PTGER3: variants seen among roughly 807,000 people sequenced by gnomAD.
PTGER3 encodes the protein prostaglandin E2 receptor EP3 subtype.
PTGER3 carries 22 observed loss-of-function variants against 34.7 expected under a neutral mutation model. The ratio of observed to expected loss-of-function variants is 0.63; its 90% CI spans 0.45 to 0.91. The LOEUF is 0.91. Ranked by LOEUF, PTGER3 falls within the 40% of genes least tolerant of loss-of-function variation. The probability of loss-of-function intolerance (pLI) is 0.00; values close to 1 mark genes in which losing one functional copy is unlikely to be tolerated. For missense variants in PTGER3, 468 were observed against 519.4 expected, an observed-to-expected ratio of 0.90 and a Z score of 0.96; for synonymous variants, 241 against 230.1, an observed-to-expected ratio of 1.05 and a Z score of -0.43.
intron 2 of PTGER3, among the ~76,000 whole-genome samples, chr1:70,994,058 G>A (rs752505611): frequency 3.7e-4 from 57 of 152,180 alleles, no homozygotes; most frequent in Non-Finnish European, 7.3e-4. Flanking sequence ...GCCAAAGGCT[G>A]CTCTGCTCTT....
intron 1 of PTGER3, among the ~76,000 whole-genome samples, chr1:71,014,931 C>T (rs1333158027): frequency 6.6e-6 from 1 of 152,178 alleles, no homozygotes; most frequent in Non-Finnish European, 1.5e-5. Flanking sequence ...GTCCATCGAA[C>T]AGAAATTTAA....
At chr1:70,928,079 A>G (rs1326870120) in intron 4 of PTGER3, among the ~76,000 whole-genome samples, 1 of 150,282 alleles carries the variant, frequency 6.7e-6, no homozygotes, top group Non-Finnish European at 1.5e-5. Context: ...TTAAAAATAA[A>G]TTATGAAACA....
intron 1 of PTGER3, among the ~76,000 whole-genome samples, chr1:71,035,816 A>G (rs891529844): frequency 7.2e-5 from 11 of 152,144 alleles, no homozygotes; most frequent in South Asian, 4.1e-4. Context: ...AGTTCCTCCA[A>G]TGCTTCCAGT....
chr1:70,996,746 CTCCGCCTCCCAGGT>C (rs1359100470), intron 2 of PTGER3, among the ~76,000 whole-genome samples: 2 of 151,806 alleles, frequency 1.3e-5, no homozygotes, highest in Non-Finnish European at 2.9e-5. Context: ...TCACTGCAAG[CTCCGCCTCCCAGGT>C]TCACGCCATT....
chr1:71,021,457 G>C (rs994158049), intron 1 of PTGER3, among the ~76,000 whole-genome samples: 1 of 152,068 alleles, frequency 6.6e-6, no homozygotes, highest in African/African-American at 2.4e-5. Flanking sequence ...TCTATCAAAG[G>C]ATTCATTTCT....
At chr1:70,859,097 G>C (rs982274149) in intron 4 of PTGER3, among the ~76,000 whole-genome samples, 2 of 152,160 alleles carry the variant, frequency 1.3e-5, no homozygotes, top group Non-Finnish European at 2.9e-5. Flanking sequence ...AGAATGAGGA[G>C]TGGGCTGCCT....
chr1:70,913,741 T>C (rs1490470932), intron 4 of PTGER3, among the ~76,000 whole-genome samples: 3 of 151,972 alleles, frequency 2.0e-5, no homozygotes, highest in Admixed American at 1.3e-4. Flanking sequence ...AAAAATTATG[T>C]GGTTTTTCTT....
intron 4 of PTGER3, among the ~76,000 whole-genome samples, chr1:70,914,081 GTATA>G (rs1039950226): frequency 1.8e-4 from 28 of 151,500 alleles, no homozygotes; most frequent in African/African-American, 5.1e-4. Flanking sequence ...GCATATATAA[GTATA>G]TATAGTATAC....
At chr1:70,915,290 C>A (rs1647149868) in intron 4 of PTGER3, among the ~76,000 whole-genome samples, 2 of 151,760 alleles carry the variant, frequency 1.3e-5, no homozygotes, top group African/African-American at 4.8e-5. Context: ...TTATATATCT[C>A]TTTCATGGAA....
chr1:71,010,297 G>A, intron 2 of PTGER3: 1 of 984,396 alleles, frequency 1.0e-6, no homozygotes, highest in Non-Finnish European at 1.2e-6. Flanking sequence ...TCATATTTCT[G>A]TAATTAAATA....
At chr1:70,943,847 G>GGAGAGAGAGA (rs60989903) in intron 4 of PTGER3, among the ~76,000 whole-genome samples, 14 of 138,332 alleles carry the variant, frequency 1.0e-4, no homozygotes, top group African/African-American at 3.8e-4. Flanking sequence ...GGAGAGAGAG[G>GGAGAGAGAGA]GAGAGAGAGA....
intron 4 of PTGER3, among the ~76,000 whole-genome samples, chr1:70,905,954 C>A (rs189720131): frequency 2.6e-5 from 4 of 152,260 alleles, no homozygotes; most frequent in Admixed American, 6.5e-5. Flanking sequence ...TGGGAAGAAC[C>A]TGGTGGGAGG....
intron 4 of PTGER3, among the ~76,000 whole-genome samples, chr1:70,919,173 A>G (rs1342507533): frequency 2.0e-5 from 3 of 152,110 alleles, no homozygotes; most frequent in Non-Finnish European, 4.4e-5. Flanking sequence ...AAAAATGTAA[A>G]CCACCACCCA....
At chr1:70,858,201 C>CTTTT (rs35355255) in intron 4 of PTGER3, among the ~76,000 whole-genome samples, 1 of 134,144 alleles carries the variant, frequency 7.5e-6, no homozygotes, top group African/African-American at 2.7e-5. Context: ...AACACAGATT[C>CTTTT]TTTTTTTTTT....
chr1:71,024,645 CTTTT>C (rs35271200), intron 1 of PTGER3, among the ~76,000 whole-genome samples: 8 of 117,162 alleles, frequency 6.8e-5, no homozygotes, highest in Non-Finnish European at 1.0e-4. Flanking sequence ...CCTTTTCTTT[CTTTT>C]TTTTTTTTTT....
chr1:70,886,215 T>C lies in PTGER3; in HGVS notation c.*24-33356A>G, dbSNP rs1215029788. 1.0e-5 allele frequency: 4 copies of C among 396,458 alleles called. No individual in the cohort carries two copies. In the East Asian group the frequency reaches 3.3e-4, roughly 32 times the overall value. The allele number at this position is 396,458 out of a possible 1,614,324, so 24.6% of individuals were successfully genotyped here. ...GAGAGCTTGCTTCCCTTCTCTGTTT[T>C]CTCCACCATTTGAGGATACAATGAG... On this transcript the variant is annotated intron_variant, in intron 4 of 4. Coordinates refer to the PTGER3 transcript ENST00000370931.
intron 4 of PTGER3, among the ~76,000 whole-genome samples, chr1:70,894,875 G>T (rs895984257): frequency 2.0e-5 from 3 of 152,116 alleles, no homozygotes; most frequent in African/African-American, 7.2e-5. Flanking sequence ...GCAAAGTTGG[G>T]GGGTTAAACC....
At position 70,867,566 on chromosome 1, in the gene PTGER3, C is replaced by T. The variant is rs189252243; in HGVS notation, c.*24-14707G>A. On this transcript the variant is annotated intron_variant, in intron 4 of 4. Coordinates refer to the PTGER3 transcript ENST00000370931. ...TGAAGCCCCATCTCTACTAAAAATACAAAAACAAATTAGCCAGGTGTGGTG... is the reference window on the plus strand; with the variant it reads ...TGAAGCCCCATCTCTACTAAAAATATAAAAACAAATTAGCCAGGTGTGGTG... Among the ~76,000 whole-genome samples, 796 of 152,090 alleles carry T rather than the reference C, an allele frequency of 5.2e-3. 12 individuals carry two copies. Among genetic ancestry groups the T allele is most frequent in the Non-Finnish European group, 5.5e-3 (377 of 67,978 alleles).
chr1:70,987,448 T>C (rs1655031253), intron 2 of PTGER3, among the ~76,000 whole-genome samples: 1 of 152,216 alleles, frequency 6.6e-6, no homozygotes, highest in Non-Finnish European at 1.5e-5. Context: ...TGCACTCTTC[T>C]AGTATATTAC....
Sources: gnomAD v4.1 joint callset for allele counts (sites outside exome capture counted in the v4.1 genomes callset) on GRCh38, gnomAD v4.1.1 for gene constraint, MANE v1.5 for transcripts, NCBI Gene and HGNC (gene_info 2026-07-23, HGNC 2026-07-21) for gene names.